The following PBRM1 variants were observed in gnomAD, a reference collection of about 807,000 sequenced individuals.
PBRM1 encodes the protein polybromo 1.
In PBRM1, 27 loss-of-function variants were observed where a neutral mutation model predicts 194.5. The observed-to-expected ratio is 0.14, with a 90% CI of 0.10 to 0.19. PBRM1 has a LOEUF of 0.19. PBRM1 is among the 10% of genes least tolerant of loss of function. The pLI, the probability that PBRM1 is intolerant of heterozygous loss-of-function variation, is 1.00. For synonymous variants in PBRM1, 655 were observed against 693.2 expected (o/e 0.94, Z 0.87); for missense variants, 1,466 against 2,077.2 (o/e 0.71, Z 5.72).
At chr3:52,591,125 TGCTGAAGTTTATCA>T (rs1302932071) in intron 17 of PBRM1, among the ~76,000 whole-genome samples, 1 of 152,238 alleles carries the variant, frequency 6.6e-6, no homozygotes. Context: ...CCTGACACTT[TGCTGAAGTTTATCA>T]GCTGAAGGAG....
At chr3:52,583,694 A>C (rs1393394139) in intron 20 of PBRM1, among the ~76,000 whole-genome samples, 1 of 152,232 alleles carries the variant, frequency 6.6e-6, no homozygotes, top group Non-Finnish European at 1.5e-5. Flanking sequence ...ATTTTCAATC[A>C]TAAATCAATA....
intron 3 of PBRM1, among the ~76,000 whole-genome samples, chr3:52,662,840 A>C (rs575660630): frequency 6.6e-6 from 1 of 151,308 alleles, no homozygotes; most frequent in Non-Finnish European, 1.5e-5. Flanking sequence ...AAAAAAAAAA[A>C]ACACCAAAAA....
At position 52,553,545 on chromosome 3, in the gene PBRM1, G is replaced by GT. The variant is rs2081478417; in HGVS notation, c.4609+1178dup. ...ATTCTGTCGCTCAGGCTGGAGTGCA[G>GT]TGGTGCGATCACCACTCACTGCAGC... On this transcript the variant is annotated intron_variant, in intron 27 of 29. Coordinates refer to ENST00000296302, the Ensembl canonical transcript of PBRM1. Among the ~76,000 whole-genome samples, 5 of 148,670 alleles carry GT rather than the reference G, an allele frequency of 3.4e-5. No individual in the cohort carries two copies. The South Asian group carries it at 1.1e-3, about 32-fold the overall frequency.
At chr3:52,573,457 C>A (rs1354239614) in intron 22 of PBRM1, among the ~76,000 whole-genome samples, 1 of 152,096 alleles carries the variant, frequency 6.6e-6, no homozygotes, top group Admixed American at 6.5e-5. Flanking sequence ...CCACGCCCGG[C>A]TAATTTTTGT....
In PBRM1 at chr3:52,685,085, G is replaced by A. The variant is rs1350389400; in HGVS notation, c.-13+664C>T. Among the ~76,000 whole-genome samples, 5 of 152,210 alleles carry A rather than the reference G, an allele frequency of 3.3e-5. No homozygotes were observed. In the East Asian group the frequency reaches 9.6e-4, roughly 29 times the overall value. On this transcript the variant is annotated intron_variant, in intron 1 of 29. Transcript: ENST00000394830. ...ATTAAAACAATTCACCCCAACATAC[G>A]CTTCTATAATTATTGTAAGAATTTC...
intron 9 of PBRM1, among the ~76,000 whole-genome samples, chr3:52,642,348 C>G (rs944746480): frequency 6.6e-6 from 1 of 152,076 alleles, no homozygotes; most frequent in African/African-American, 2.4e-5. Context: ...GGCGTGGTGG[C>G]TCATGCCTGT....
intron 18 of PBRM1, among the ~76,000 whole-genome samples, chr3:52,587,753 A>T (rs1037477860): frequency 2.0e-5 from 3 of 151,758 alleles, no homozygotes; most frequent in Non-Finnish European, 2.9e-5. Flanking sequence ...TACACCATCA[A>T]TCCACTCTGC....
intron 6 of PBRM1, among the ~76,000 whole-genome samples, chr3:52,650,235 C>T (rs1474264925): frequency 6.6e-6 from 1 of 151,580 alleles, no homozygotes; most frequent in Non-Finnish European, 1.5e-5. Context: ...TGGTGGCAGG[C>T]GCCTATAATC....
intron 11 of PBRM1, among the ~76,000 whole-genome samples, chr3:52,629,391 C>T (rs574845518): frequency 4.6e-5 from 7 of 152,144 alleles, no homozygotes; most frequent in African/African-American, 1.4e-4. Flanking sequence ...TATGAAGGGA[C>T]GAAAATTAGG....
intron 5 of PBRM1, among the ~76,000 whole-genome samples, chr3:52,654,850 T>C (rs1280415645): frequency 6.6e-6 from 1 of 152,102 alleles, no homozygotes; most frequent in Admixed American, 6.6e-5. Flanking sequence ...TGAAGTGGCA[T>C]GATCACAGCT....
At chr3:52,596,854 T>A (rs567644046) in intron 17 of PBRM1, among the ~76,000 whole-genome samples, 22 of 152,180 alleles carry the variant, frequency 1.4e-4, no homozygotes, top group Non-Finnish European at 2.8e-4. Context: ...ACATGTCATG[T>A]GCCCCCTAAG....
intron 14 of PBRM1, 45 bp from the exon 17 acceptor site, chr3:52,615,501 A>C: frequency 8.3e-7 from 1 of 1,203,080 alleles, no homozygotes; most frequent in South Asian, 1.2e-5. Context: ...AAAACTTTTC[A>C]TTAAGGTATA....
intron 2 of PBRM1, among the ~76,000 whole-genome samples, chr3:52,673,197 A>T (rs2096991297): frequency 6.6e-6 from 1 of 150,876 alleles, no homozygotes; most frequent in African/African-American, 2.4e-5. Flanking sequence ...TATGTTGGCC[A>T]GGCTGGTCTC....
chr3:52,608,734 G>T (rs892592849), intron 16 of PBRM1, among the ~76,000 whole-genome samples: 1 of 150,992 alleles, frequency 6.6e-6, no homozygotes, highest in East Asian at 1.9e-4. Context: ...ATGTAGCAAC[G>T]ATATATCACA....
chr3:52,585,421 T>C (rs1226835742), intron 20 of PBRM1: 1 of 152,254 alleles, frequency 6.6e-6, no homozygotes, highest in African/African-American at 2.4e-5. Context: ...ATATCTCTTC[T>C]TGATTCCATT....
chr3:52,548,041 T>C (rs947528401), exon 30 of PBRM1: 9 of 1,597,798 alleles, frequency 5.6e-6, no homozygotes, highest in Non-Finnish European at 7.7e-6. Flanking sequence ...TGCTTCTATA[T>C]AAAAGAAACG....
rs2096173281 is a variant in PBRM1, at chr3:52,643,228, C to T, written c.995+20G>A. ...TTATAAGCACAGGTCAACTCTCAGA[C>T]TAAACACTCTTTTTCTCACCGGTAA... is the stretch of plus-strand genomic sequence containing the variant. On this transcript the variant is annotated intron_variant, in intron 9 of 29. Coordinates refer to ENST00000296302, the Ensembl canonical transcript of PBRM1. 3.2e-6 allele frequency: 5 copies of T among 1,542,670 alleles called. No homozygotes were observed. The highest frequency in any genetic ancestry group is 4.5e-6 in the Non-Finnish European group (5 of 1,115,022).
At chr3:52,605,343 T>C (rs959899342) in intron 16 of PBRM1, among the ~76,000 whole-genome samples, 1 of 152,010 alleles carries the variant, frequency 6.6e-6, no homozygotes, top group Non-Finnish European at 1.5e-5. Context: ...CCACCACACC[T>C]GGCTGGCATA....
chr3:52,647,870 T>C (rs2096369301), intron 7 of PBRM1, among the ~76,000 whole-genome samples: 3 of 151,944 alleles, frequency 2.0e-5, no homozygotes, highest in Admixed American at 6.6e-5. Flanking sequence ...ACTGGAGTGA[T>C]GGCTGCCCAA....
Sources: allele counts gnomAD v4.1 joint callset (sites outside exome capture counted in the v4.1 genomes callset), GRCh38; gene constraint gnomAD v4.1.1; transcripts MANE v1.5; gene names NCBI Gene and HGNC (gene_info 2026-07-23, HGNC 2026-07-21).